Variants in NRXN1 observed in about 807,000 individuals in gnomAD.
NRXN1 encodes the protein neurexin 1.
Under a neutral mutation model 150.9 loss-of-function variants are expected in NRXN1, and 39 were observed. That is an observed-to-expected ratio of 0.26 (90% CI 0.20 to 0.34). The LOEUF (loss-of-function observed/expected upper bound fraction) is 0.34. Ranked by LOEUF, NRXN1 falls within the 10% of genes least tolerant of loss-of-function variation. NRXN1 has a pLI of 1.00. For missense variants in NRXN1, 1,815 were observed against 1,949.9 expected (o/e 0.93, Z 1.30); for synonymous variants, 924 against 757.0 (o/e 1.22, Z -3.62).
At chr2:50,172,812 C>G (rs1187890665) in intron 18 of NRXN1, among the ~76,000 whole-genome samples, 1 of 151,956 alleles carries the variant, frequency 6.6e-6, no homozygotes, top group Non-Finnish European at 1.5e-5. Context: ...ACTAAAAATA[C>G]AAAAATTAGC....
chr2:50,101,237 C>A (rs13430861), intron 18 of NRXN1, among the ~76,000 whole-genome samples: 48,763 of 151,848 alleles, frequency 0.32, 8,261 homozygotes, highest in Non-Finnish European at 0.37. Context: ...CTGATTAAAA[C>A]CACAATCTTT....
At chr2:50,868,141 TTA>T (rs70958631) in intron 5 of NRXN1, among the ~76,000 whole-genome samples, 2,163 of 86,686 alleles carry the variant, frequency 0.025, 37 homozygotes, top group African/African-American at 0.031. Context: ...AAACAAAATA[TTA>T]TATATATATA....
At chr2:50,650,006 C>A (rs1188336268) in intron 5 of NRXN1, among the ~76,000 whole-genome samples, 16 of 152,112 alleles carry the variant, frequency 1.1e-4, no homozygotes, top group African/African-American at 3.6e-4. Context: ...TATTTATCCC[C>A]CAGCTGTTTC....
At chr2:50,910,877 C>A (rs1310545532) in intron 5 of NRXN1, among the ~76,000 whole-genome samples, 1 of 151,794 alleles carries the variant, frequency 6.6e-6, no homozygotes, top group South Asian at 2.1e-4. Flanking sequence ...ATCAGCCATG[C>A]CAAATGTGCT....
At chr2:50,045,713 T>C (rs1691699195) in intron 21 of NRXN1, among the ~76,000 whole-genome samples, 1 of 152,174 alleles carries the variant, frequency 6.6e-6, no homozygotes, top group Non-Finnish European at 1.5e-5. Flanking sequence ...CAAGAACTAA[T>C]TATTTAATAA....
chr2:50,597,990 T>A (rs1675517173), intron 8 of NRXN1, among the ~76,000 whole-genome samples: 1 of 151,842 alleles, frequency 6.6e-6, no homozygotes, highest in African/African-American at 2.4e-5. Context: ...AATACAAAAA[T>A]TACCCGGGCA....
intron 5 of NRXN1, among the ~76,000 whole-genome samples, chr2:50,780,923 T>A (rs1045961775): frequency 1.3e-5 from 2 of 152,154 alleles, no homozygotes; most frequent in Non-Finnish European, 2.9e-5. Context: ...CATTCTTAGG[T>A]TTAGGTGTTT....
chr2:50,926,970 G>T lies in NRXN1; in HGVS notation c.773-1015C>A, dbSNP rs563248264. 2.3e-4 allele frequency among the ~76,000 whole-genome samples: 35 copies of T among 151,964 alleles called. 1 individual carries two copies. In the South Asian group the frequency reaches 5.4e-3, roughly 23 times the overall value. The stretch of plus-strand genomic sequence containing the variant: ...TTGAGACTCGGGGCCTGCAATCCCG[G>T]CAAGAAATGGAAGGGAAAGCTGTCT... On this transcript the variant is annotated intron_variant, in intron 2 of 22. Coordinates refer to ENST00000401669, the MANE Select transcript of NRXN1 (RefSeq NM_001330078.2).
At chr2:50,072,945 A>G (rs759260535) in intron 19 of NRXN1, among the ~76,000 whole-genome samples, 1 of 152,216 alleles carries the variant, frequency 6.6e-6, no homozygotes, top group Non-Finnish European at 1.5e-5. Context: ...ATTTTCACCT[A>G]TGAAGACAAA....
intron 5 of NRXN1, among the ~76,000 whole-genome samples, chr2:50,652,131 T>C (rs780589932): frequency 2.0e-5 from 3 of 152,046 alleles, no homozygotes; most frequent in African/African-American, 4.8e-5. Context: ...ACACCTCTTC[T>C]GCAACTGACA....
chr2:50,735,079 C>T (rs1242252652), intron 5 of NRXN1, among the ~76,000 whole-genome samples: 1 of 152,116 alleles, frequency 6.6e-6, no homozygotes, highest in Admixed American at 6.6e-5. Context: ...TTAGACTATT[C>T]TCATTAACTT....
At chr2:49,964,723 C>T (rs62132444) in intron 21 of NRXN1, among the ~76,000 whole-genome samples, 1 of 150,288 alleles carries the variant, frequency 6.7e-6, no homozygotes, top group East Asian at 2.0e-4. Flanking sequence ...CACCTGTAAT[C>T]CCAGCTACTA....
intron 22 of NRXN1, among the ~76,000 whole-genome samples, chr2:49,927,022 T>C (rs182232491): frequency 6.2e-4 from 94 of 152,302 alleles, no homozygotes; most frequent in Non-Finnish European, 1.1e-3. Context: ...ATTATCCTTG[T>C]AGGGGCCCTC....
At chr2:50,020,775 A>G (rs1177634054) in intron 21 of NRXN1, among the ~76,000 whole-genome samples, 1 of 152,182 alleles carries the variant, frequency 6.6e-6, no homozygotes, top group Admixed American at 6.5e-5. Context: ...TTTAAAAAGT[A>G]TTTTGAATTT....
At chr2:50,518,032 T>A (rs1440169519) in intron 12 of NRXN1, among the ~76,000 whole-genome samples, 1 of 152,124 alleles carries the variant, frequency 6.6e-6, no homozygotes, top group African/African-American at 2.4e-5. Context: ...ACATTAAGCC[T>A]CTGTAGTTTT....
chr2:50,526,782 G>C (rs994883426), intron 12 of NRXN1: 2 of 152,174 alleles, frequency 1.3e-5, no homozygotes, highest in Non-Finnish European at 2.9e-5. Context: ...GTACACTGGA[G>C]GCTCACAATC....
intron 21 of NRXN1, among the ~76,000 whole-genome samples, chr2:49,982,439 T>C (rs1680136761): frequency 6.6e-6 from 1 of 151,818 alleles, no homozygotes; most frequent in South Asian, 2.1e-4. Flanking sequence ...CTTAGTTGAA[T>C]TAGTAAATTA....
At chr2:50,260,132 C>A (rs902948045) in intron 17 of NRXN1, among the ~76,000 whole-genome samples, 1 of 151,868 alleles carries the variant, frequency 6.6e-6, no homozygotes, top group Non-Finnish European at 1.5e-5. Context: ...GTTAGACAAT[C>A]TGTATCATAA....
chr2:50,912,369 G>A (rs1001000631), intron 5 of NRXN1: 1 of 151,694 alleles, frequency 6.6e-6, no homozygotes, highest in Non-Finnish European at 1.5e-5. Flanking sequence ...TATACATAGA[G>A]GGTTACATAT....
Sources: allele counts gnomAD v4.1 joint callset (sites outside exome capture counted in the v4.1 genomes callset), GRCh38; gene constraint gnomAD v4.1.1; transcripts MANE v1.5; gene names NCBI Gene and HGNC (gene_info 2026-07-23, HGNC 2026-07-21).